PLOD2: variants seen among roughly 807,000 people sequenced by gnomAD.
PLOD2 encodes procollagen-lysine,2-oxoglutarate 5-dioxygenase 2, also known as lysine hydroxylase 2.
Under a neutral mutation model 101.0 loss-of-function variants are expected in PLOD2, and 65 were observed. The observed-to-expected ratio is 0.64, with a 90% CI of 0.53 to 0.79. The LOEUF is 0.79. PLOD2 is among the 30% of genes least tolerant of loss of function. The pLI is 0.00. For synonymous variants in PLOD2, 314 were observed against 302.9 expected (o/e 1.04, Z -0.38); for missense variants, 909 against 914.6 (o/e 0.99, Z 0.08).
chr3:146,138,120 G>A (rs1278206315), intron 1 of PLOD2, among the ~76,000 whole-genome samples: 2 of 152,052 alleles, frequency 1.3e-5, no homozygotes, highest in Non-Finnish European at 2.9e-5. Flanking sequence ...CAGACCACAG[G>A]GGGCACAGCT....
At chr3:146,139,845 T>A (rs1031065549) in intron 1 of PLOD2, among the ~76,000 whole-genome samples, 2 of 152,094 alleles carry the variant, frequency 1.3e-5, no homozygotes, top group Non-Finnish European at 2.9e-5. Context: ...AAAAATACTG[T>A]TGAAGAATGT....
chr3:146,079,777 C>T (rs1337099216), intron 12 of PLOD2, among the ~76,000 whole-genome samples: 2 of 151,908 alleles, frequency 1.3e-5, no homozygotes, highest in Admixed American at 6.6e-5. Context: ...TCAGGGAATC[C>T]TCCACCTCCA....
chr3:146,114,209 C>T (rs1378606589), intron 3 of PLOD2, among the ~76,000 whole-genome samples: 4 of 150,480 alleles, frequency 2.7e-5, no homozygotes, highest in Middle Eastern at 3.2e-3. Flanking sequence ...CCTGTGATCT[C>T]GCTTTGCCCC....
rs764056697 is a variant in PLOD2 at position 146,121,144 on chromosome 3, A to G, written c.306T>C (p.Asp102=). Residue 102 remains aspartate (D), a synonymous_variant, in exon 3 of 20, where the codon GAT becomes GAC. Transcript: ENST00000282903. ...TAAACATGACAACCAGATCATCTTGATCAGCATAGTGTTCCATGACTTCTT... is the reference window on the plus strand; with the variant it reads ...TAAACATGACAACCAGATCATCTTGGTCAGCATAGTGTTCCATGACTTCTT... ...LMKEVMEHYA[D]QDDLVVMFTE... The G allele has an allele frequency of 1.9e-6, 3 of 1,608,854 alleles. No individual in the cohort carries two copies. The highest frequency in any genetic ancestry group is 2.6e-6 in the Non-Finnish European group (3 of 1,175,488).
chr3:146,096,890 G>GGGGGT (rs1937195272), intron 7 of PLOD2, among the ~76,000 whole-genome samples: 1 of 118,752 alleles, frequency 8.4e-6, no homozygotes, highest in East Asian at 2.8e-4. Context: ...TGGGGGGGGG[G>GGGGGT]AGTCGGCCAG....
rs1395923378 is a variant in PLOD2 at position 146,161,064 on chromosome 3, G to T, written c.-75C>A. 1 of 1,119,010 alleles carries T rather than the reference G, an allele frequency of 8.9e-7. No individual in the cohort carries two copies. Among genetic ancestry groups the T allele is most frequent in the Non-Finnish European group, 1.3e-6 (1 of 762,542 alleles). The allele number at this position is 1,119,010 out of a possible 1,614,324, so 69.3% of individuals were successfully genotyped here. ...GCCGCGCTTCTCGCGAGAACGCAGAGACCCGGGTCCGCCCTGAGCCGCCGA... is the reference window on the plus strand; with the variant it reads ...GCCGCGCTTCTCGCGAGAACGCAGATACCCGGGTCCGCCCTGAGCCGCCGA... On this transcript the variant is annotated 5_prime_UTR_variant, in exon 1 of 20. Coordinates refer to ENST00000282903, the MANE Select transcript of PLOD2 (RefSeq NM_182943.3).
chr3:146,092,819 T>C (rs1341052984), intron 7 of PLOD2, among the ~76,000 whole-genome samples: 1 of 152,124 alleles, frequency 6.6e-6, no homozygotes, highest in African/African-American at 2.4e-5. Context: ...AAGATCCTGC[T>C]GAGTAAACAG....
intron 1 of PLOD2, among the ~76,000 whole-genome samples, chr3:146,154,580 T>C (rs1033806078): frequency 2.0e-5 from 3 of 152,144 alleles, no homozygotes; most frequent in Non-Finnish European, 4.4e-5. Context: ...TACAAACCTA[T>C]ACAAACTAAA....
At chr3:146,117,459 T>G (rs1464081654) in intron 3 of PLOD2, among the ~76,000 whole-genome samples, 1 of 152,142 alleles carries the variant, frequency 6.6e-6, no homozygotes, top group East Asian at 1.9e-4. Context: ...CTGTATAAAC[T>G]TTTTAAAAAG....
At chr3:146,151,599 T>C (rs544392646) in intron 1 of PLOD2, among the ~76,000 whole-genome samples, 1 of 151,832 alleles carries the variant, frequency 6.6e-6, no homozygotes, top group Non-Finnish European at 1.5e-5. Flanking sequence ...GGTTGGTGAG[T>C]GGAAGGATGA....
At chr3:146,141,489 T>TGA (rs1172283232) in intron 1 of PLOD2, among the ~76,000 whole-genome samples, 1 of 152,044 alleles carries the variant, frequency 6.6e-6, no homozygotes, top group Non-Finnish European at 1.5e-5. Flanking sequence ...ATTTAACCCC[T>TGA]GACTCCACAC....
At chr3:146,095,309 T>C (rs1337535245) in intron 7 of PLOD2, among the ~76,000 whole-genome samples, 1 of 150,004 alleles carries the variant, frequency 6.7e-6, no homozygotes, top group Non-Finnish European at 1.5e-5. Context: ...AAAATTTTGC[T>C]ATCTATCCAT....
At chr3:146,154,082 T>C (rs1026423646) in intron 1 of PLOD2, among the ~76,000 whole-genome samples, 2 of 152,184 alleles carry the variant, frequency 1.3e-5, no homozygotes, top group African/African-American at 2.4e-5. Flanking sequence ...TAACAAATGA[T>C]ATTTAATTTC....
intron 17 of PLOD2, 66 bp from the exon 18 acceptor site, chr3:146,071,489 T>C: frequency 6.9e-7 from 1 of 1,439,144 alleles, no homozygotes; most frequent in East Asian, 2.3e-5. Context: ...TATTATAGTA[T>C]TTTTTTTCAA....
intron 3 of PLOD2, among the ~76,000 whole-genome samples, chr3:146,111,371 A>C (rs1291415076): frequency 2.0e-5 from 3 of 152,112 alleles, no homozygotes; most frequent in African/African-American, 7.2e-5. Context: ...TGGGTTTCTA[A>C]TCCCACCTCT....
chr3:146,074,823 CT>C, intron 15 of PLOD2, among the ~76,000 whole-genome samples: 1 of 151,576 alleles, frequency 6.6e-6, no homozygotes, highest in Middle Eastern at 3.4e-3. Flanking sequence ...CTTAGAAATT[CT>C]GATAATGGGA....
At position 146,069,563 on chromosome 3, in the gene PLOD2, A is replaced by C. The variant is rs1447862789; in HGVS notation, c.*1154T>G. On this transcript the variant is annotated 3_prime_UTR_variant, in exon 20 of 20. Transcript: ENST00000282903. ...TACATTAAAAACAGTAGCTACAATAAGGATATTTCAACCTTACTTAGAGAA... is the reference window on the plus strand; with the variant it reads ...TACATTAAAAACAGTAGCTACAATACGGATATTTCAACCTTACTTAGAGAA... 6.6e-6 allele frequency: 1 copy of C among 152,244 alleles called. No individual in the cohort carries two copies. Among genetic ancestry groups the C allele is most frequent in the African/African-American group, 2.4e-5 (1 of 41,390 alleles). The allele number at this position is 152,244 out of a possible 1,614,324, so 9.4% of individuals were successfully genotyped here.
At chr3:146,136,760 C>A (rs149494215) in intron 1 of PLOD2, among the ~76,000 whole-genome samples, 2 of 152,272 alleles carry the variant, frequency 1.3e-5, no homozygotes, top group East Asian at 3.9e-4. Flanking sequence ...GGTACAGTAA[C>A]ATTCCTTACA....
At chr3:146,087,849 A>T (rs1936835970) in intron 9 of PLOD2, among the ~76,000 whole-genome samples, 1 of 151,846 alleles carries the variant, frequency 6.6e-6, no homozygotes. Flanking sequence ...AAATCCATTT[A>T]AGCTAGTTTT....
Sources: gnomAD v4.1 joint callset for allele counts (sites outside exome capture counted in the v4.1 genomes callset) on GRCh38, gnomAD v4.1.1 for gene constraint, MANE v1.5 for transcripts, NCBI Gene and HGNC (gene_info 2026-07-23, HGNC 2026-07-21) for gene names.